Variants in SLC5A5 observed in about 807,000 individuals in gnomAD.
SLC5A5 encodes sodium/iodide cotransporter.
A neutral mutation model predicts 68.6 loss-of-function variants in SLC5A5; 56 were observed. The observed-to-expected ratio is 0.82, with a 90% CI of 0.66 to 1.02. The LOEUF is 1.02. Ranked by LOEUF, SLC5A5 falls within the 50% of genes least tolerant of loss-of-function variation. The pLI is 0.00. For synonymous variants in SLC5A5, 398 were observed against 373.0 expected, an observed-to-expected ratio of 1.07 and a Z score of -0.77; for missense variants, 807 against 859.8, an observed-to-expected ratio of 0.94 and a Z score of 0.77.
intron 5 of SLC5A5, among the ~76,000 whole-genome samples, chr19:17,876,498 C>T (rs954275561): frequency 2.7e-5 from 4 of 148,834 alleles, no homozygotes; most frequent in Admixed American, 6.7e-5. Context: ...GAGGCCAAGG[C>T]GGGGGGATCA....
chr19:17,880,129 G>T (rs577202015), intron 7 of SLC5A5, among the ~76,000 whole-genome samples: 1 of 152,062 alleles, frequency 6.6e-6, no homozygotes, highest in African/African-American at 2.4e-5. Context: ...TCAAACTCCT[G>T]ACCTCAGGTG....
At chr19:17,882,125 C>T (rs748134104) in intron 9 of SLC5A5, 24 bp from the exon 10 acceptor site, 10 of 1,613,454 alleles carry the variant, frequency 6.2e-6, no homozygotes, top group Admixed American at 1.7e-5. Flanking sequence ...TCCCCGTTGA[C>T]CGTGCCATCC....
At chr19:17,881,301 C>T (rs2094320240) in intron 8 of SLC5A5, among the ~76,000 whole-genome samples, 1 of 151,542 alleles carries the variant, frequency 6.6e-6, no homozygotes, top group Non-Finnish European at 1.5e-5. Flanking sequence ...GAGTCTTGCT[C>T]TGTCACCCAG....
chr19:17,874,221 C>G lies in SLC5A5; in HGVS notation c.423+18C>G. 1 of 1,580,128 alleles carries G rather than the reference C, an allele frequency of 6.3e-7. No homozygotes were observed. Among genetic ancestry groups the G allele is most frequent in the Non-Finnish European group, 8.7e-7 (1 of 1,150,122 alleles). ...TAGCCACGGTGAGTGGCCTCGGCCC[C>G]GCCCTCCGCTCAGGGCCCCGAGAGC... On this transcript the variant is annotated intron_variant, in intron 2 of 14. Coordinates refer to ENST00000222248, the MANE Select transcript of SLC5A5 (RefSeq NM_000453.3).
At position 17,874,729 on chromosome 19, in the gene SLC5A5, G is replaced by A; in HGVS notation, c.541G>A (p.Val181Met). 2 of 1,614,082 alleles carry A rather than the reference G, an allele frequency of 1.2e-6. No individual in the cohort carries two copies. The highest frequency in any genetic ancestry group is 2.2e-5 in the South Asian group (2 of 91,084). ...TGIICTFYTA[V>M]GGMKAVVWTD... ...AATTATCTGCACCTTCTACACGGCT[G>A]TGGTGAGTGGCCCTGGGAACTCACT... is the stretch of plus-strand genomic sequence containing the variant. The change falls in exon 4 of 15, where the codon GTG (valine) becomes ATG (methionine). Residue 181 changes from valine to methionine, a missense_variant and splice_region_variant. By Grantham distance (21) the Val-to-Met change is conservative. Coordinates refer to ENST00000222248, the MANE Select transcript of SLC5A5 (RefSeq NM_000453.3).
chr19:17,878,150 T>C (rs2094312138), intron 7 of SLC5A5, 57 bp downstream of exon 7: 3 of 1,583,834 alleles, frequency 1.9e-6, no homozygotes, highest in East Asian at 4.5e-5. Context: ...CTTGGTGGGA[T>C]TGAGGTCGAA....
chr19:17,889,016 A>C (rs1012904921), intron 13 of SLC5A5, among the ~76,000 whole-genome samples: 3 of 151,910 alleles, frequency 2.0e-5, no homozygotes, highest in African/African-American at 7.2e-5. Flanking sequence ...ATGTGTATAT[A>C]TACATAAAAG....
chr19:17,881,934 G>A, intron 8 of SLC5A5, 26 bp from the exon 9 acceptor site: 1 of 1,571,706 alleles, frequency 6.4e-7, no homozygotes, highest in Non-Finnish European at 8.8e-7. Flanking sequence ...ATGGCCTGAG[G>A]ACCCCCCGCT....
intron 10 of SLC5A5, 109 bp from the exon 11 acceptor site, chr19:17,883,571 CT>C (rs1307491381): frequency 5.6e-6 from 5 of 893,042 alleles, no homozygotes; most frequent in Non-Finnish European, 9.5e-6. Context: ...CAGAGGAGTC[CT>C]TGAGACCCAC....
intron 10 of SLC5A5, among the ~76,000 whole-genome samples, chr19:17,883,404 ACT>A (rs753439770): frequency 1.3e-5 from 2 of 148,352 alleles, no homozygotes; most frequent in African/African-American, 2.5e-5. Flanking sequence ...GCAAAGTGAG[ACT>A]CTGTCTAAAA....
At chr19:17,892,125 C>A (rs1304391514) in intron 14 of SLC5A5, among the ~76,000 whole-genome samples, 2 of 151,978 alleles carry the variant, frequency 1.3e-5, no homozygotes, top group Non-Finnish European at 2.9e-5. Flanking sequence ...AAAACCCTGT[C>A]TCTACTAAAA....
intron 12 of SLC5A5, among the ~76,000 whole-genome samples, chr19:17,886,420 G>A (rs954856952): frequency 4.6e-5 from 7 of 150,644 alleles, no homozygotes; most frequent in African/African-American, 9.8e-5. Flanking sequence ...CGATTCTCCC[G>A]CTTCAGCCTC....
At chr19:17,882,298 C>A in intron 10 of SLC5A5, 79 bp downstream of exon 10, 1 of 1,147,484 alleles carries the variant, frequency 8.7e-7, no homozygotes, top group Non-Finnish European at 1.3e-6. Flanking sequence ...AACTGAGGCT[C>A]AGAGAGGTCA....
In SLC5A5 at chr19:17,874,694, T is replaced by C. The variant is rs2094302685; in HGVS notation, c.506T>C (p.Leu169Pro). Residue 169 changes from leucine (L) to proline (P), a missense_variant, in exon 4 of 15, where the codon CTG becomes CCG. Physicochemically the swap from Leu to Pro is moderately conservative, Grantham distance 98. Coordinates refer to ENST00000222248, the MANE Select transcript of SLC5A5 (RefSeq NM_000453.3). ...GGGCTGGACATCTGGGCGTCGCTCC[T>C]GTCCACCGGAATTATCTGCACCTTC... ...VTGLDIWASL[L>P]STGIICTFYT... The C allele has an allele frequency of 6.2e-7, 1 of 1,614,038 alleles. No individual in the cohort carries two copies. The highest frequency in any genetic ancestry group is 1.3e-5 in the African/African-American group (1 of 74,938).
At chr19:17,885,978 G>A (rs2029902984) in intron 12 of SLC5A5, among the ~76,000 whole-genome samples, 2 of 151,026 alleles carry the variant, frequency 1.3e-5, no homozygotes, top group Admixed American at 1.3e-4. Flanking sequence ...CTCCTGTCTC[G>A]GCCTCCTGAG....
intron 12 of SLC5A5, among the ~76,000 whole-genome samples, chr19:17,885,318 T>C (rs1426590540): frequency 6.6e-6 from 1 of 151,664 alleles, no homozygotes; most frequent in Non-Finnish European, 1.5e-5. Flanking sequence ...CAAGAACATT[T>C]TCTGTTTTGT....
chr19:17,888,076 C>T (rs930387290), intron 12 of SLC5A5, among the ~76,000 whole-genome samples: 1 of 152,070 alleles, frequency 6.6e-6, no homozygotes, highest in Non-Finnish European at 1.5e-5. Context: ...CAGAGGGTGA[C>T]GGGCAGCAGC....
Position 17,893,739 on chromosome 19 carries a change from C to A in SLC5A5, c.1794C>A (p.Asn598Lys). 1 of 1,614,056 alleles carries A rather than the reference C, an allele frequency of 6.2e-7. No homozygotes were observed. The highest frequency in any genetic ancestry group is 8.5e-7 in the Non-Finnish European group (1 of 1,179,988). Residue 598 changes from asparagine to lysine, a missense_variant, in exon 15 of 15, where the codon AAC becomes AAA. Transcript: ENST00000222248. ...VKGPEELPTG[N>K]KKPPGFLPTN... ...GTCCTGAAGAACTCCCCACTGGAAACAAGAAGCCCCCTGGCTTCCTGCCCA... is the reference window on the plus strand; with the variant it reads ...GTCCTGAAGAACTCCCCACTGGAAAAAAGAAGCCCCCTGGCTTCCTGCCCA...
At chr19:17,889,462 G>A (rs1424748483) in intron 13 of SLC5A5, among the ~76,000 whole-genome samples, 1 of 151,228 alleles carries the variant, frequency 6.6e-6, no homozygotes, top group East Asian at 2.0e-4. Flanking sequence ...GAGAGAGAGA[G>A]AGAAGGAGAG....
Sources: allele counts gnomAD v4.1 joint callset (sites outside exome capture counted in the v4.1 genomes callset), GRCh38; gene constraint gnomAD v4.1.1; transcripts MANE v1.5; gene names NCBI Gene and HGNC (gene_info 2026-07-23, HGNC 2026-07-21).